TTC8: variants seen among roughly 807,000 people sequenced by gnomAD.
TTC8 encodes the protein tetratricopeptide repeat domain 8.
Under a neutral mutation model 72.5 loss-of-function variants are expected in TTC8, and 47 were observed. That is an observed-to-expected ratio of 0.65 (90% CI 0.51 to 0.83). TTC8 has a LOEUF of 0.83. TTC8 is among the 40% of genes least tolerant of loss of function. The pLI, the probability that TTC8 is intolerant of heterozygous loss-of-function variation, is 0.00. For missense variants in TTC8, 611 were observed against 623.2 expected, an observed-to-expected ratio of 0.98 and a Z score of 0.21; for synonymous variants, 199 against 221.4, an observed-to-expected ratio of 0.90 and a Z score of 0.90.
intron 2 of TTC8, among the ~76,000 whole-genome samples, chr14:88,837,642 C>T (rs1255056663): frequency 6.6e-6 from 1 of 152,184 alleles, no homozygotes; most frequent in African/African-American, 2.4e-5. Flanking sequence ...AAAATCAAAG[C>T]TGTCAGATAC....
intron 10 of TTC8, among the ~76,000 whole-genome samples, chr14:88,869,646 T>C (rs916919740): frequency 6.6e-6 from 1 of 152,136 alleles, no homozygotes; most frequent in African/African-American, 2.4e-5. Context: ...CTCAGGCTCA[T>C]ACATTTGCTC....
chr14:88,874,782 C>T (rs2094949759), intron 13 of TTC8, among the ~76,000 whole-genome samples: 1 of 151,910 alleles, frequency 6.6e-6, no homozygotes, highest in South Asian at 2.1e-4. Flanking sequence ...ATTTTCAGTT[C>T]TCTTATTTTC....
chr14:88,834,037 A>T (rs2094738646), intron 2 of TTC8: 1 of 375,002 alleles, frequency 2.7e-6, no homozygotes, highest in Non-Finnish European at 5.0e-6. Context: ...GGGCTTAGAA[A>T]GGGAGCGGGA....
chr14:88,870,232 C>G (rs767030311), intron 11 of TTC8, 34 bp downstream of exon 11: 2 of 1,606,918 alleles, frequency 1.2e-6, no homozygotes, highest in South Asian at 2.2e-5. Flanking sequence ...GAACCACTTT[C>G]CTGTGAAATA....
intron 10 of TTC8, among the ~76,000 whole-genome samples, chr14:88,867,059 A>G (rs1485169843): frequency 2.0e-5 from 3 of 152,236 alleles, no homozygotes; most frequent in South Asian, 2.1e-4. Context: ...AAGAAGTTCT[A>G]TGTTATCTAG....
intron 10 of TTC8, among the ~76,000 whole-genome samples, chr14:88,867,170 C>T (rs1435747130): frequency 6.6e-6 from 1 of 151,906 alleles, no homozygotes; most frequent in Non-Finnish European, 1.5e-5. Context: ...TTTGACCTGG[C>T]CATATTACTT....
At chr14:88,867,070 G>A (rs146922327) in intron 10 of TTC8, among the ~76,000 whole-genome samples, 2 of 152,204 alleles carry the variant, frequency 1.3e-5, no homozygotes, top group East Asian at 3.9e-4. Flanking sequence ...TGTTATCTAG[G>A]GTTGCCAAGG....
chr14:88,836,059 GTC>G (rs1231598451), intron 2 of TTC8, among the ~76,000 whole-genome samples: 1 of 152,106 alleles, frequency 6.6e-6, no homozygotes, highest in Non-Finnish European at 1.5e-5. Context: ...TTGAATAACA[GTC>G]TGAGTAGATT....
chr14:88,830,793 C>A (rs1414411781), intron 1 of TTC8: 2 of 452,926 alleles, frequency 4.4e-6, no homozygotes, highest in Non-Finnish European at 8.9e-6. Context: ...CTGAGAGCGA[C>A]CCAAAGAGGA....
At chr14:88,824,494 G>A (rs2140943380), upstream of TTC8, 1 of 581,126 alleles carries the variant, frequency 1.7e-6, no homozygotes, top group South Asian at 2.1e-5. Flanking sequence ...TTTAAAAGTA[G>A]ACATCTTTTT....
chr14:88,852,223 C>G (rs1400615992), intron 7 of TTC8, among the ~76,000 whole-genome samples: 1 of 152,150 alleles, frequency 6.6e-6, no homozygotes, highest in African/African-American at 2.4e-5. Flanking sequence ...TGGTTTCCAC[C>G]TCCTCTATGT....
chr14:88,870,111 A>G lies in TTC8; in HGVS notation c.962A>G (p.Gln321Arg). The change falls in exon 11 of 15, where the codon CAA (glutamine) becomes CGA (arginine). Residue 321 changes from glutamine (Q) to arginine (R), a missense_variant. Physicochemically the swap from Gln to Arg is conservative, Grantham distance 43 (BLOSUM62 1). Transcript: ENST00000380656. Reference sequence around the variant, plus strand: ...GAATATTACAAAGAAGTTTTGAAACAAGACAATACTCATGTGGAAGCCATC... The same window carrying G: ...GAATATTACAAAGAAGTTTTGAAACGAGACAATACTCATGTGGAAGCCATC... ...AAEYYKEVLKQDNTHVEAIAC... is the reference protein window; with the variant it reads ...AAEYYKEVLKRDNTHVEAIAC... The G allele has an allele frequency of 2.3e-5, 37 of 1,614,090 alleles. No homozygotes were observed. Among genetic ancestry groups the G allele is most frequent in the Non-Finnish European group, 3.0e-5 (35 of 1,179,964 alleles).
At chr14:88,869,979 T>A in intron 10 of TTC8, 80 bp from the exon 11 acceptor site, 1 of 1,423,244 alleles carries the variant, frequency 7.0e-7, no homozygotes, top group East Asian at 2.4e-5. Flanking sequence ...ATTGAATGAA[T>A]GGACTTAAAT....
intron 7 of TTC8, among the ~76,000 whole-genome samples, chr14:88,851,250 C>T (rs889178363): frequency 2.6e-5 from 4 of 152,142 alleles, no homozygotes; most frequent in Non-Finnish European, 4.4e-5. Flanking sequence ...AGAGTTCAGT[C>T]CTTAGCAGCC....
At chr14:88,847,454 C>T (rs1164462541) in intron 7 of TTC8, among the ~76,000 whole-genome samples, 1 of 152,128 alleles carries the variant, frequency 6.6e-6, no homozygotes, top group East Asian at 1.9e-4. Context: ...CTGGAGTCCC[C>T]ATTTATAAAT....
At chr14:88,832,750 C>A (rs1018524418) in intron 1 of TTC8, among the ~76,000 whole-genome samples, 3 of 152,142 alleles carry the variant, frequency 2.0e-5, no homozygotes, top group Non-Finnish European at 4.4e-5. Context: ...TGGTGTGTTT[C>A]CTTAAGTTTG....
chr14:88,828,680 A>G (rs1360243412), intron 1 of TTC8, among the ~76,000 whole-genome samples: 2 of 152,178 alleles, frequency 1.3e-5, no homozygotes, highest in Non-Finnish European at 2.9e-5. Context: ...TTTTTCTCCC[A>G]GATGAGAAAA....
In TTC8 at chr14:88,841,233, T is replaced by C. The variant is rs925041173; in HGVS notation, c.489+37T>C. 6.2e-6 allele frequency: 10 copies of C among 1,613,066 alleles called. No homozygotes were observed. In the African/African-American group the frequency reaches 1.3e-4, roughly 22 times the overall value. On this transcript the variant is annotated intron_variant, in intron 5 of 14. Transcript: ENST00000380656. ...CAGCTTTCCCATAGCCTTGTATTAC[T>C]TTGGTATTACCAAAGTAGCTTTATA...
At chr14:88,876,811 A>G (rs997917934) in intron 14 of TTC8, among the ~76,000 whole-genome samples, 2 of 152,170 alleles carry the variant, frequency 1.3e-5, no homozygotes, top group Admixed American at 1.3e-4. Context: ...TAAATACAGC[A>G]GTTTTTGCTT....
Sources: gnomAD v4.1 joint callset for allele counts (sites outside exome capture counted in the v4.1 genomes callset) on GRCh38, gnomAD v4.1.1 for gene constraint, MANE v1.5 for transcripts, NCBI Gene and HGNC (gene_info 2026-07-23, HGNC 2026-07-21) for gene names.